The following PIGS variants were observed in gnomAD, a reference collection of about 807,000 sequenced individuals.
The protein encoded by PIGS is GPI-anchor transamidase component PIGS.
A neutral mutation model predicts 58.2 loss-of-function variants in PIGS; 37 were observed. The observed-to-expected ratio is 0.64, with a 90% CI of 0.49 to 0.84. The LOEUF (loss-of-function observed/expected upper bound fraction) is 0.84, where lower values mean the gene tolerates loss of function less well. PIGS is among the 40% of genes least tolerant of loss of function. The pLI is 0.00. For synonymous variants in PIGS, 269 were observed against 289.2 expected (o/e 0.93, Z 0.71); for missense variants, 629 against 710.8 (o/e 0.88, Z 1.31).
At chr17:28,564,570 C>G (rs2070384063) in intron 3 of PIGS, among the ~76,000 whole-genome samples, 1 of 152,076 alleles carries the variant, frequency 6.6e-6, no homozygotes. Context: ...AAAAAATTAG[C>G]TGGGTGTGGT....
In PIGS at chr17:28,556,137, G is replaced by T. The variant is rs115718684; in HGVS notation, c.1181+29C>A. ...TCCCCTCTACAGCCAAGGAGACTATGTCCCCAAGTGGATCATCCAGGACCT... is the reference window on the plus strand; with the variant it reads ...TCCCCTCTACAGCCAAGGAGACTATTTCCCCAAGTGGATCATCCAGGACCT... On this transcript the variant is annotated intron_variant, in intron 10 of 11. Transcript: ENST00000308360. 3 of 1,572,376 alleles carry T rather than the reference G, an allele frequency of 1.9e-6. No homozygotes were observed. The African/African-American group carries it at 4.1e-5, about 21-fold the overall frequency.
At position 28,556,729 on chromosome 17, in the gene PIGS, T is replaced by C. The variant is rs906331132; in HGVS notation, c.1080+98A>G. 5 of 1,465,272 alleles carry C rather than the reference T, an allele frequency of 3.4e-6. No homozygotes were observed. In the African/African-American group the frequency reaches 4.2e-5, roughly 12 times the overall value. 90.8% of individuals were successfully genotyped at this position (1,465,272 alleles called of 1,614,324 possible). A position where few individuals can be genotyped will look rare whatever the true frequency, so the allele number is the denominator to read the frequency against. On this transcript the variant is annotated intron_variant, in intron 9 of 11. Coordinates refer to ENST00000308360, the MANE Select transcript of PIGS (RefSeq NM_033198.4). The stretch of plus-strand genomic sequence containing the variant: ...CCTGCCCCTCCCACAGGCTGGGCCA[T>C]GGAGGACACCAGAAGGAAAACAGAA...
intron 3 of PIGS, among the ~76,000 whole-genome samples, chr17:28,568,877 C>T (rs563618127): frequency 6.6e-6 from 1 of 151,416 alleles, no homozygotes; most frequent in African/African-American, 2.4e-5. Context: ...TGGTGGATCA[C>T]TGGAGGTCAG....
intron 3 of PIGS, among the ~76,000 whole-genome samples, chr17:28,569,676 G>T (rs560593779): frequency 1.3e-5 from 2 of 152,238 alleles, no homozygotes; most frequent in African/African-American, 4.8e-5. Flanking sequence ...TCACACAGGA[G>T]TATAGTTTGT....
chr17:28,556,474 T>C (rs2070329281), intron 9 of PIGS: 1 of 716,296 alleles, frequency 1.4e-6, no homozygotes, highest in African/African-American at 1.7e-5. Flanking sequence ...TAGAACATAT[T>C]TTTTTCTTAT....
chr17:28,558,186 G>T (rs986633082), intron 8 of PIGS, among the ~76,000 whole-genome samples: 1 of 152,142 alleles, frequency 6.6e-6, no homozygotes, highest in Non-Finnish European at 1.5e-5. Context: ...CATACCTATA[G>T]TTCTAGCTAC....
rs372731062 is a variant in PIGS at position 28,556,878 on chromosome 17, G to A, written c.1029C>T (p.Gly343=). 40 of 1,614,116 alleles carry A rather than the reference G, an allele frequency of 2.5e-5. No homozygotes were observed. Among genetic ancestry groups the A allele is most frequent in the African/African-American group, 9.3e-5 (7 of 75,034 alleles). Residue 343 remains glycine, a synonymous_variant, in exon 9 of 12, where the codon GGC becomes GGT. Coordinates refer to ENST00000308360, the MANE Select transcript of PIGS (RefSeq NM_033198.4). ...GGAAGGCATTGGTGGCCACTGGAGCGCCATCCTTGTCCTGAATGTACAGCG... is the reference window on the plus strand; with the variant it reads ...GGAAGGCATTGGTGGCCACTGGAGCACCATCCTTGTCCTGAATGTACAGCG... ...HSPLYIQDKD[G]APVATNAFHS...
At chr17:28,559,392 T>C (rs1370907222) in intron 7 of PIGS, among the ~76,000 whole-genome samples, 4 of 150,720 alleles carry the variant, frequency 2.7e-5, no homozygotes, top group Admixed American at 2.6e-4. Context: ...CCCAGCACTT[T>C]GGGAGGCCAA....
intron 7 of PIGS, among the ~76,000 whole-genome samples, chr17:28,559,699 CAAA>C (rs761803589): frequency 4.4e-5 from 2 of 45,694 alleles, no homozygotes; most frequent in Non-Finnish European, 9.2e-5. Flanking sequence ...GACTCTGTCT[CAAA>C]AAAAAAAAAA....
intron 4 of PIGS, 59 bp from the exon 5 acceptor site, chr17:28,563,581 C>G (rs2070377905): frequency 4.6e-6 from 7 of 1,510,624 alleles, no homozygotes; most frequent in Non-Finnish European, 6.4e-6. Flanking sequence ...TCCCCCCAGC[C>G]CCAAAGAATG....
rs974761466 is a variant in PIGS at position 28,560,050 on chromosome 17, T to A, written c.818A>T (p.Gln273Leu). ...GAAGNFSVDS[Q>L]ILYYAMLGVN... ...TCCTCAACTTGCTCCCGGTCTCACC[T>A]GAGAGTCCACAGAGAAGTTGCCAGC... The change falls in exon 7 of 12, where the codon CAG (glutamine) becomes CTG (leucine). Residue 273 changes from glutamine to leucine, a missense_variant and splice_region_variant. Physicochemically the swap from Gln to Leu is moderately radical, Grantham distance 113. Coordinates refer to ENST00000308360, the MANE Select transcript of PIGS (RefSeq NM_033198.4). 2 of 1,608,186 alleles carry A rather than the reference T, an allele frequency of 1.2e-6. No homozygotes were observed. The highest frequency in any genetic ancestry group is 2.7e-5 in the African/African-American group (2 of 74,418).
chr17:28,563,067 G>T (rs1269624736), intron 5 of PIGS, among the ~76,000 whole-genome samples: 1 of 152,056 alleles, frequency 6.6e-6, no homozygotes, highest in Non-Finnish European at 1.5e-5. Context: ...CAGCACTCTG[G>T]GGGGCCAAGG....
chr17:28,556,576 G>T, intron 9 of PIGS: 1 of 708,110 alleles, frequency 1.4e-6, no homozygotes, highest in Non-Finnish European at 2.5e-6. Context: ...ATAAGGCGAA[G>T]ATCTAAGATG....
At position 28,556,819 on chromosome 17, in the gene PIGS, A is replaced by G. The variant is rs760859666; in HGVS notation, c.1080+8T>C. On this transcript the variant is annotated splice_region_variant and intron_variant, in intron 9 of 11. Transcript: ENST00000308360. ...TGGGCTCTGGGGTCTGCGTAGTGTG[A>G]CTATTACCATAATGCCACCCCAGCG... The G allele has an allele frequency of 6.2e-7, 1 of 1,613,110 alleles. No homozygotes were observed. Among genetic ancestry groups the G allele is most frequent in the Non-Finnish European group, 8.5e-7 (1 of 1,179,610 alleles).
intron 6 of PIGS, 51 bp from the exon 7 acceptor site, chr17:28,560,242 A>G: frequency 6.4e-7 from 1 of 1,572,650 alleles, no homozygotes; most frequent in Non-Finnish European, 8.7e-7. Flanking sequence ...ATCAAAGAAG[A>G]GGGGCAGCCT....
At chr17:28,569,498 GAA>G (rs2070414957) in intron 3 of PIGS, among the ~76,000 whole-genome samples, 1 of 144,146 alleles carries the variant, frequency 6.9e-6, no homozygotes, top group South Asian at 2.2e-4. Flanking sequence ...AAAAAGAAAA[GAA>G]AAGTTTTCAC....
At chr17:28,557,036 G>A (rs2070334943) in intron 8 of PIGS, 64 bp from the exon 9 acceptor site, 1 of 1,578,222 alleles carries the variant, frequency 6.3e-7, no homozygotes, top group Admixed American at 1.7e-5. Context: ...TCCCAGGTCG[G>A]CCTCTAACTT....
intron 8 of PIGS, 42 bp downstream of exon 8, chr17:28,558,434 T>C (rs1448419207): frequency 1.3e-6 from 2 of 1,513,766 alleles, no homozygotes; most frequent in African/African-American, 1.4e-5. Context: ...GGTCCCTCCC[T>C]AGCCTGGCAG....
chr17:28,557,008 GCTGGAC>G (rs773893169), intron 8 of PIGS, 36 bp from the exon 9 acceptor site: 1 of 1,612,904 alleles, frequency 6.2e-7, no homozygotes, highest in South Asian at 1.1e-5. Flanking sequence ...ATCAAAACAT[GCTGGAC>G]CTGGACCTTA....
Sources: allele counts gnomAD v4.1 joint callset (sites outside exome capture counted in the v4.1 genomes callset), GRCh38; gene constraint gnomAD v4.1.1; transcripts MANE v1.5; gene names NCBI Gene and HGNC (gene_info 2026-07-23, HGNC 2026-07-21).